The following SGPL1 variants were observed in gnomAD, a reference collection of about 807,000 sequenced individuals.
SGPL1 encodes the protein sphingosine-1-phosphate lyase 1, also known as SP-lyase 1.
In SGPL1, 37 loss-of-function variants were observed where a neutral mutation model predicts 68.9. The observed-to-expected ratio is 0.54, with a 90% CI of 0.41 to 0.71. SGPL1 has a LOEUF of 0.71. SGPL1 is among the 30% of genes least tolerant of loss of function. SGPL1 has a pLI of 0.00. For synonymous variants in SGPL1, 236 were observed against 248.5 expected (o/e 0.95, Z 0.47); for missense variants, 551 against 704.6 (o/e 0.78, Z 2.47).
At chr10:70,849,750 G>A (rs1314258003) in intron 3 of SGPL1, among the ~76,000 whole-genome samples, 1 of 152,224 alleles carries the variant, frequency 6.6e-6, no homozygotes, top group Non-Finnish European at 1.5e-5. Context: ...TAGGAATGCA[G>A]TAGAAGTTCA....
intron 2 of SGPL1, among the ~76,000 whole-genome samples, chr10:70,831,899 G>A (rs574894627): frequency 1.3e-5 from 2 of 152,296 alleles, no homozygotes; most frequent in East Asian, 3.9e-4. Context: ...CAGGAATGAG[G>A]GTTTTTTGGC....
intron 12 of SGPL1, among the ~76,000 whole-genome samples, chr10:70,874,802 T>G (rs1053677691): frequency 1.3e-5 from 2 of 152,052 alleles, no homozygotes; most frequent in African/African-American, 4.8e-5. Context: ...ACAGGAGGCT[T>G]AAGGCAAGAG....
Position 70,833,856 on chromosome 10 carries a change from G to A in SGPL1, c.28-10617G>A, listed in dbSNP as rs181632847. Among the ~76,000 whole-genome samples, 686 of 152,258 alleles carry A rather than the reference G, an allele frequency of 4.5e-3. 1 individual carries two copies. Among genetic ancestry groups the A allele is most frequent in the Non-Finnish European group, 6.2e-3 (424 of 68,004 alleles). Reference sequence around the variant, plus strand: ...GGTCCTTCTGGAAAAAGTATTGAGCGTTGAATAGTTCAGGAAAACAAATAA... The same window carrying A: ...GGTCCTTCTGGAAAAAGTATTGAGCATTGAATAGTTCAGGAAAACAAATAA... On this transcript the variant is annotated intron_variant, in intron 2 of 14. Transcript: ENST00000373202.
At chr10:70,862,171 G>A (rs1846075624) in intron 7 of SGPL1, among the ~76,000 whole-genome samples, 1 of 152,220 alleles carries the variant, frequency 6.6e-6, no homozygotes, top group Admixed American at 6.5e-5. Context: ...CTCAGGGATT[G>A]TAAATACACC....
intron 7 of SGPL1, among the ~76,000 whole-genome samples, chr10:70,863,913 T>C (rs939218454): frequency 6.6e-6 from 1 of 152,210 alleles, no homozygotes; most frequent in African/African-American, 2.4e-5. Flanking sequence ...GGTCCATCCT[T>C]TGCTCATCTG....
intron 9 of SGPL1, 56 bp from the exon 10 acceptor site, chr10:70,870,992 A>C: frequency 2.6e-5 from 38 of 1,469,980 alleles, no homozygotes; most frequent in Non-Finnish European, 3.2e-5. Flanking sequence ...TGGCAGCAGA[A>C]GAGAAGAGTA....
chr10:70,823,563 GAAAAA>G (rs139852875), intron 2 of SGPL1, among the ~76,000 whole-genome samples: 2 of 83,470 alleles, frequency 2.4e-5, no homozygotes, highest in African/African-American at 4.7e-5. Flanking sequence ...ACTTTATATT[GAAAAA>G]AAAAAAAAAA....
At chr10:70,837,908 G>A (rs1432966007) in intron 2 of SGPL1, among the ~76,000 whole-genome samples, 3 of 152,084 alleles carry the variant, frequency 2.0e-5, no homozygotes, top group Non-Finnish European at 2.9e-5. Flanking sequence ...CATGTCAGAA[G>A]GGCAAGTGAG....
chr10:70,816,432 G>C (rs1358189144), intron 1 of SGPL1, among the ~76,000 whole-genome samples: 1 of 152,186 alleles, frequency 6.6e-6, no homozygotes, highest in African/African-American at 2.4e-5. Context: ...GAGCGAGGCC[G>C]TGCTGATTCT....
chr10:70,843,569 G>C (rs1845748421), intron 2 of SGPL1, among the ~76,000 whole-genome samples: 1 of 152,166 alleles, frequency 6.6e-6, no homozygotes, highest in South Asian at 2.1e-4. Context: ...CTCTGTATAG[G>C]ACTTATCAAA....
chr10:70,854,870 A>T lies in SGPL1; in HGVS notation c.409+15A>T, dbSNP rs1007454186. 6.3e-7 allele frequency: 1 copy of T among 1,582,328 alleles called. No individual in the cohort carries two copies. Among genetic ancestry groups the T allele is most frequent in the Non-Finnish European group, 8.6e-7 (1 of 1,167,746 alleles). ...CAGCTCTATGGGTATGATGCTTGGC[A>T]TATACATGCTCTCTACTTCCTTAAA... On this transcript the variant is annotated intron_variant, in intron 5 of 14. Coordinates refer to ENST00000373202, the MANE Select transcript of SGPL1 (RefSeq NM_003901.4).
rs1377824658 is a variant in SGPL1 at position 70,854,768 on chromosome 10, G to A, written c.322G>A (p.Val108Met). 2 of 1,613,840 alleles carry A rather than the reference G, an allele frequency of 1.2e-6. No individual in the cohort carries two copies. The highest frequency in any genetic ancestry group is 1.7e-5 in the Admixed American group (1 of 59,964). Residue 108 changes from valine to methionine, a missense_variant, in exon 5 of 15, where the codon GTG becomes ATG. By Grantham distance (21) the Val-to-Met change is conservative (BLOSUM62 1). Coordinates refer to ENST00000373202, the MANE Select transcript of SGPL1 (RefSeq NM_003901.4). The part of the protein sequence containing the change: ...DISKNMSFLK[V>M]DKEYVKALPS... ...TAGCAAGAACATGTCATTCCTGAAA[G>A]TGGACAAAGAGTATGTGAAAGCTTT...
chr10:70,841,729 A>G (rs765904332), intron 2 of SGPL1, among the ~76,000 whole-genome samples: 3 of 152,138 alleles, frequency 2.0e-5, no homozygotes, highest in Non-Finnish European at 2.9e-5. Context: ...TTCAACAAGC[A>G]TTTGTTGAGT....
rs529288062 is a variant in SGPL1, at chr10:70,877,720, C to G, written c.*385C>G. The G allele has an allele frequency of 1.1e-4, 18 of 168,786 alleles. No homozygotes were observed. The highest frequency in any genetic ancestry group is 2.0e-4 in the Non-Finnish European group (16 of 78,722). 10.5% of individuals were successfully genotyped at this position (168,786 alleles called of 1,614,324 possible). On this transcript the variant is annotated 3_prime_UTR_variant, in exon 15 of 15. Transcript: ENST00000373202. Reference sequence around the variant, plus strand: ...GAGATAGCTAGAGCTTCTTTGTTATCTCAGGCAGGAGGCGTTTACATAACA... The same window carrying G: ...GAGATAGCTAGAGCTTCTTTGTTATGTCAGGCAGGAGGCGTTTACATAACA...
chr10:70,833,492 A>AT (rs1489582221), intron 2 of SGPL1, among the ~76,000 whole-genome samples: 1 of 152,080 alleles, frequency 6.6e-6, no homozygotes, highest in Non-Finnish European at 1.5e-5. Flanking sequence ...ACCCAAGAGG[A>AT]TTTTCCCTTT....
intron 2 of SGPL1, chr10:70,820,602 C>CT (rs1448044533): frequency 6.6e-6 from 1 of 152,098 alleles, no homozygotes; most frequent in Admixed American, 6.5e-5. Context: ...TGGCGAAACT[C>CT]TGTCTCTACT....
At chr10:70,820,752 G>A (rs1412671343) in intron 2 of SGPL1, among the ~76,000 whole-genome samples, 1 of 151,882 alleles carries the variant, frequency 6.6e-6, no homozygotes, top group Non-Finnish European at 1.5e-5. Flanking sequence ...TCCAGCCTGG[G>A]CGACAGAGCG....
chr10:70,855,441 C>T (rs745535474), intron 5 of SGPL1, among the ~76,000 whole-genome samples: 9 of 152,184 alleles, frequency 5.9e-5, no homozygotes, highest in Non-Finnish European at 1.2e-4. Context: ...CTGGAACCAG[C>T]CTGGATTCAT....
At chr10:70,838,053 A>G (rs1255858972) in intron 2 of SGPL1, among the ~76,000 whole-genome samples, 1 of 152,154 alleles carries the variant, frequency 6.6e-6, no homozygotes, top group Non-Finnish European at 1.5e-5. Flanking sequence ...ACCTCTCAAC[A>G]CTGTTACAAT....
Sources: allele counts gnomAD v4.1 joint callset (sites outside exome capture counted in the v4.1 genomes callset), GRCh38; gene constraint gnomAD v4.1.1; transcripts MANE v1.5; gene names NCBI Gene and HGNC (gene_info 2026-07-23, HGNC 2026-07-21).